PLGRKT: variants seen among roughly 807,000 people sequenced by gnomAD.
PLGRKT encodes plasminogen receptor with a C-terminal lysine.
PLGRKT carries 22 observed loss-of-function variants against 18.5 expected under a neutral mutation model. That is an observed-to-expected ratio of 1.19 (90% CI 0.85 to 1.70). The LOEUF (loss-of-function observed/expected upper bound fraction) is 1.70. Among genes scored for constraint, PLGRKT ranks in the 40% most tolerant of loss-of-function variants. The pLI is 0.00. For synonymous variants in PLGRKT, 72 were observed against 52.8 expected (o/e 1.36, Z -1.58); for missense variants, 235 against 174.4 (o/e 1.35, Z -1.96).
intron 5 of PLGRKT, among the ~76,000 whole-genome samples, chr9:5,359,929 TAAA>T (rs113677733): frequency 1.1e-4 from 17 of 152,366 alleles, no homozygotes; most frequent in African/African-American, 4.1e-4. Flanking sequence ...TGTATCATAA[TAAA>T]ATGTACATAA....
At chr9:5,371,564 T>G (rs1817516664) in intron 3 of PLGRKT, among the ~76,000 whole-genome samples, 1 of 152,206 alleles carries the variant, frequency 6.6e-6, no homozygotes, top group Admixed American at 6.5e-5. Flanking sequence ...TTCTGAGACC[T>G]TCCCAGCCAT....
At chr9:5,378,828 A>G (rs182050970) in intron 3 of PLGRKT, among the ~76,000 whole-genome samples, 1 of 152,320 alleles carries the variant, frequency 6.6e-6, no homozygotes, top group East Asian at 1.9e-4. Flanking sequence ...GTTAAATTGG[A>G]AAAATGTAGT....
intron 3 of PLGRKT, among the ~76,000 whole-genome samples, chr9:5,388,270 T>C (rs1234572584): frequency 6.6e-6 from 1 of 151,772 alleles, no homozygotes; most frequent in Non-Finnish European, 1.5e-5. Flanking sequence ...GCAAGTGTGG[T>C]TTCCCAGGAA....
In PLGRKT at chr9:5,358,216, A is replaced by G; in HGVS notation, c.*23T>C. 3 of 1,587,312 alleles carry G rather than the reference A, an allele frequency of 1.9e-6. No individual in the cohort carries two copies. The highest frequency in any genetic ancestry group is 2.6e-6 in the Non-Finnish European group (3 of 1,159,510). On this transcript the variant is annotated 3_prime_UTR_variant, in exon 6 of 6. Transcript: ENST00000223864. Reference sequence around the variant, plus strand: ...TTCAAGTCAATAATTCTGTGCTTTGAGATTTGATTGGTAAGCATGATTTCA... The same window carrying G: ...TTCAAGTCAATAATTCTGTGCTTTGGGATTTGATTGGTAAGCATGATTTCA...
At chr9:5,403,382 C>CCTGG in intron 3 of PLGRKT, among the ~76,000 whole-genome samples, 1 of 152,116 alleles carries the variant, frequency 6.6e-6, no homozygotes, top group Admixed American at 6.5e-5. Context: ...CGCCACCACT[C>CCTGG]CTGGCTAATT....
intron 3 of PLGRKT, among the ~76,000 whole-genome samples, chr9:5,390,044 G>A (rs918562078): frequency 1.3e-4 from 19 of 151,760 alleles, no homozygotes; most frequent in Non-Finnish European, 2.2e-4. Flanking sequence ...GACAGTCATT[G>A]AGGAAATCTA....
At chr9:5,380,877 G>A (rs945180855) in intron 3 of PLGRKT, among the ~76,000 whole-genome samples, 1 of 152,178 alleles carries the variant, frequency 6.6e-6, no homozygotes. Context: ...TATAGAGGGA[G>A]GGAGCTGGTA....
chr9:5,426,496 C>T (rs1026539625), intron 3 of PLGRKT, among the ~76,000 whole-genome samples: 22 of 152,280 alleles, frequency 1.4e-4, no homozygotes, highest in Non-Finnish European at 2.2e-4. Flanking sequence ...GATCAGAACT[C>T]AAGTATCTCT....
intron 3 of PLGRKT, among the ~76,000 whole-genome samples, chr9:5,410,427 G>A (rs1818339843): frequency 1.3e-5 from 2 of 151,016 alleles, no homozygotes; most frequent in South Asian, 4.2e-4. Flanking sequence ...AGGAGGCAGA[G>A]GTTGCAGTGA....
intron 3 of PLGRKT, among the ~76,000 whole-genome samples, chr9:5,389,384 G>C (rs748449807): frequency 6.6e-6 from 1 of 151,838 alleles, no homozygotes; most frequent in African/African-American, 2.4e-5. Flanking sequence ...TTGTCTGATG[G>C]TGCTGATCTA....
intron 3 of PLGRKT, among the ~76,000 whole-genome samples, chr9:5,403,941 G>C (rs1458246346): frequency 6.6e-6 from 1 of 151,994 alleles, no homozygotes; most frequent in Non-Finnish European, 1.5e-5. Flanking sequence ...AATGTTAAGG[G>C]GGATACCACC....
intron 3 of PLGRKT, among the ~76,000 whole-genome samples, chr9:5,405,156 C>G (rs1248615678): frequency 6.6e-6 from 1 of 151,970 alleles, no homozygotes; most frequent in Non-Finnish European, 1.5e-5. Context: ...TAGGAAGAAT[C>G]AATATCGTAA....
chr9:5,411,019 T>C (rs943019175), intron 3 of PLGRKT, among the ~76,000 whole-genome samples: 1 of 152,068 alleles, frequency 6.6e-6, no homozygotes, highest in Non-Finnish European at 1.5e-5. Flanking sequence ...ATGTATATAA[T>C]GAAACTAGAG....
chr9:5,373,019 T>A (rs1817552360), intron 3 of PLGRKT, among the ~76,000 whole-genome samples: 1 of 152,174 alleles, frequency 6.6e-6, no homozygotes, highest in Non-Finnish European at 1.5e-5. Context: ...CTTGCAATAA[T>A]CACGTTAATA....
chr9:5,364,907 C>T (rs1172650756), intron 3 of PLGRKT, among the ~76,000 whole-genome samples: 2 of 152,152 alleles, frequency 1.3e-5, no homozygotes, highest in Non-Finnish European at 2.9e-5. Context: ...TCCGTATGAA[C>T]TCATGCTTAG....
At chr9:5,428,160 T>C (rs981462575) in intron 3 of PLGRKT, among the ~76,000 whole-genome samples, 3 of 152,020 alleles carry the variant, frequency 2.0e-5, no homozygotes, top group Admixed American at 2.0e-4. Flanking sequence ...TAGAGAACTG[T>C]GGGTAGACTA....
chr9:5,436,953 C>G (rs1421154524), intron 1 of PLGRKT, among the ~76,000 whole-genome samples: 1 of 152,040 alleles, frequency 6.6e-6, no homozygotes, highest in African/African-American at 2.4e-5. Context: ...TTTAAAAATT[C>G]TAACACTTTT....
At position 5,418,761 on chromosome 9, in the gene PLGRKT, G is replaced by C; in HGVS notation, c.81+13136C>G. The C allele has an allele frequency of 1.4e-6, 1 of 714,788 alleles. No homozygotes were observed. Among genetic ancestry groups the C allele is most frequent in the South Asian group, 1.6e-5 (1 of 61,938 alleles). The allele number at this position is 714,788 out of a possible 1,614,324, so 44.3% of individuals were successfully genotyped here. ...GAATGGTGATGACAGCCAGGACCTC[G>C]GGGTCGTCGAGGAGCTGCGACACGG... On this transcript the variant is annotated intron_variant, in intron 3 of 5. Transcript: ENST00000223864. This position sits in a 1 kb window ranked among gnomAD's most constrained non-coding sequence, Gnocchi z 4.2.
At chr9:5,373,832 A>C (rs1047525011) in intron 3 of PLGRKT, among the ~76,000 whole-genome samples, 2 of 152,164 alleles carry the variant, frequency 1.3e-5, no homozygotes, top group African/African-American at 2.4e-5. Context: ...GTGGGGACAG[A>C]ACAGGAAGCT....
Sources: allele counts gnomAD v4.1 joint callset (sites outside exome capture counted in the v4.1 genomes callset), GRCh38; gene constraint gnomAD v4.1.1; non-coding constraint Gnocchi (gnomAD v3.1); transcripts MANE v1.5; gene names NCBI Gene and HGNC (gene_info 2026-07-23, HGNC 2026-07-21).